OPHN1: variants seen among roughly 807,000 people sequenced by gnomAD.
OPHN1 encodes oligophrenin-1.
OPHN1 carries 11 observed loss-of-function variants against 60.7 expected under a neutral mutation model. The observed-to-expected ratio is 0.18, with a 90% CI of 0.11 to 0.30. OPHN1 has a LOEUF of 0.30. OPHN1 is among the 10% of genes least tolerant of loss of function. The pLI is 1.00. For synonymous variants in OPHN1, 226 were observed against 222.6 expected, an observed-to-expected ratio of 1.02 and a Z score of -0.14; for missense variants, 449 against 611.0, an observed-to-expected ratio of 0.73 and a Z score of 2.80.
intron 18 of OPHN1, among the ~76,000 whole-genome samples, chrX:68,105,270 C>T (rs1174607647): frequency 9.1e-6 from 1 of 110,016 alleles, no homozygotes; most frequent in Non-Finnish European, 1.9e-5. Context: ...GGATCTAGAA[C>T]CTGAAATACC....
chrX:68,243,718 A>G (rs560430502), intron 5 of OPHN1, among the ~76,000 whole-genome samples: 52 of 112,075 alleles, frequency 4.6e-4, no homozygotes, highest in African/African-American at 1.6e-3. Flanking sequence ...AATAAAAGCC[A>G]TGTAGGCTTA....
In OPHN1 at chrX:68,052,552, C is replaced by T. The variant is rs192628082; in HGVS notation, c.2363G>A (p.Arg788Gln). 32 of 1,205,036 alleles carry T rather than the reference C, an allele frequency of 2.7e-5. No homozygotes were observed. Among genetic ancestry groups the T allele is most frequent in the East Asian group, 1.2e-4 (4 of 33,662 alleles). The change falls in exon 23 of 25, where the codon CGG becomes CAG. Residue 788 changes from arginine to glutamine, a missense_variant. By Grantham distance (43) the Arg-to-Gln change is conservative. Transcript: ENST00000355520. ...SRTRFFETASRKTGSSQGRLP... is the reference protein window; with the variant it reads ...SRTRFFETASQKTGSSQGRLP... ...CTCCATATCTTACCTTCCTGTTTTC[C>T]GGGAAGCTGTTTCAAAAAACCTGGT...
rs536331602 is a variant in OPHN1, at chrX:68,317,527, GAAAGAAAGAAAA to G, written c.155-18443_155-18432del. 2.5e-3 allele frequency among the ~76,000 whole-genome samples: 111 copies of G among 44,517 alleles called. 3 individuals are homozygous for G. Among genetic ancestry groups the G allele is most frequent in the African/African-American group, 0.019 (103 of 5,422 alleles). 38.7% of individuals were successfully genotyped at this position (44,517 alleles called of 115,157 possible). ...GGAGGGAAAGAGAGAGAGAAAGAAA[GAAAGAAAGAAAA>G]AAAGAAAGAAAGAAAGAAAGAAAGA... On this transcript the variant is annotated intron_variant, in intron 2 of 24. Coordinates refer to ENST00000355520, the MANE Select transcript of OPHN1 (RefSeq NM_002547.3).
intron 15 of OPHN1, among the ~76,000 whole-genome samples, chrX:68,163,819 C>T (rs965983735): frequency 1.8e-5 from 2 of 110,518 alleles, no homozygotes; most frequent in Non-Finnish European, 3.8e-5. Context: ...TTTTGGCTTG[C>T]ATTTCTTTAA....
chrX:68,166,168 C>T (rs1349900597), intron 15 of OPHN1, among the ~76,000 whole-genome samples: 20 of 112,249 alleles, frequency 1.8e-4, no homozygotes, highest in African/African-American at 6.2e-4. Flanking sequence ...AGATATGAAA[C>T]CAAGGGTGTA....
intron 15 of OPHN1, among the ~76,000 whole-genome samples, chrX:68,174,806 G>A (rs761194402): frequency 9.6e-4 from 106 of 110,448 alleles, no homozygotes; most frequent in African/African-American, 3.5e-3. Flanking sequence ...AAAAATGGCC[G>A]GGCACAGTGG....
At chrX:68,101,096 G>A (rs373301305) in intron 18 of OPHN1, among the ~76,000 whole-genome samples, 108 of 111,767 alleles carry the variant, frequency 9.7e-4, no homozygotes, top group Non-Finnish European at 1.6e-3. Flanking sequence ...CTCCACTGGT[G>A]TTATATTATC....
chrX:68,070,574 T>C (rs879228606), intron 20 of OPHN1: 1 of 651,223 alleles, frequency 1.5e-6, no homozygotes, highest in African/African-American at 2.1e-5. Flanking sequence ...CCAGGAGCTC[T>C]AAACTGGCAC....
chrX:68,076,386 T>A (rs531142390), intron 19 of OPHN1, among the ~76,000 whole-genome samples: 3 of 108,931 alleles, frequency 2.8e-5, no homozygotes, highest in Non-Finnish European at 5.7e-5. Context: ...AATCATACAA[T>A]GTCATAGTGA....
intron 5 of OPHN1, among the ~76,000 whole-genome samples, chrX:68,257,792 C>T (rs2077871710): frequency 9.0e-6 from 1 of 110,936 alleles, no homozygotes; most frequent in East Asian, 2.9e-4. Context: ...AGATATAGAA[C>T]ATTTGACATT....
chrX:68,225,226 G>A (rs1180589678), intron 6 of OPHN1, among the ~76,000 whole-genome samples: 1 of 111,983 alleles, frequency 8.9e-6, no homozygotes, highest in African/African-American at 3.2e-5. Context: ...CAGCTGGGAA[G>A]CTCGAATTGG....
intron 2 of OPHN1, among the ~76,000 whole-genome samples, chrX:68,426,621 G>C (rs1439592007): frequency 1.2e-5 from 1 of 80,620 alleles, no homozygotes; most frequent in Admixed American, 1.5e-4. Context: ...CCAACACTTT[G>C]GGAGACTGAG....
chrX:68,190,995 C>G (rs1285919008), intron 15 of OPHN1, among the ~76,000 whole-genome samples: 1 of 111,796 alleles, frequency 8.9e-6, no homozygotes, highest in Non-Finnish European at 1.9e-5. Context: ...GCTGTAACAT[C>G]CTCAAATGTG....
intron 2 of OPHN1, among the ~76,000 whole-genome samples, chrX:68,344,902 C>T (rs914431799): frequency 9.0e-6 from 1 of 111,141 alleles, no homozygotes; most frequent in Non-Finnish European, 1.9e-5. Context: ...TTCATCTATT[C>T]GATTAATATT....
rs1178548038 is a variant in OPHN1, at chrX:68,205,969, A to AGTGTGT, written c.933+598_933+603dup. On this transcript the variant is annotated intron_variant, in intron 10 of 24. Coordinates refer to ENST00000355520, the MANE Select transcript of OPHN1 (RefSeq NM_002547.3). ...CCCCATGTGTGTATCTGTGTGTGTG[A>AGTGTGT]GTGTGTGTGAGTGTGTGTGTGTGTG... Among the ~76,000 whole-genome samples the AGTGTGT allele has an allele frequency of 6.3e-3, 302 of 48,066 alleles. 1 individual carries two copies. Among genetic ancestry groups the AGTGTGT allele is most frequent in the African/African-American group, 0.016 (293 of 18,867 alleles). The allele number at this position is 48,066 out of a possible 115,157, so 41.7% of individuals were successfully genotyped here. A position where few individuals can be genotyped will look rare whatever the true frequency, so the allele number is the denominator to read the frequency against.
Position 68,433,451 on chromosome X carries a change from C to G in OPHN1, c.-288G>C. ...AGGTTAGAGCTGGAGCTGGGAACAG[C>G]CTCTCTACAGGCTCCTCGCTCCGGA... On this transcript the variant is annotated 5_prime_UTR_variant, in exon 1 of 25. Coordinates refer to ENST00000355520, the MANE Select transcript of OPHN1 (RefSeq NM_002547.3). 1 of 274,475 alleles carries G rather than the reference C, an allele frequency of 3.6e-6. No individual in the cohort carries two copies. The highest frequency in any genetic ancestry group is 5.4e-5 in the East Asian group (1 of 18,691). 22.6% of individuals were successfully genotyped at this position (274,475 alleles called of 1,213,427 possible). A position where few individuals can be genotyped will look rare whatever the true frequency, so the allele number is the denominator to read the frequency against.
intron 15 of OPHN1, among the ~76,000 whole-genome samples, chrX:68,150,498 T>C (rs962516436): frequency 3.6e-5 from 4 of 111,662 alleles, no homozygotes; most frequent in Middle Eastern, 9.3e-3. Flanking sequence ...GCTTGTACAA[T>C]AATGAATAAG....
chrX:68,400,568 G>A (rs181163819), intron 2 of OPHN1, among the ~76,000 whole-genome samples: 27 of 110,338 alleles, frequency 2.4e-4, no homozygotes, highest in African/African-American at 8.2e-4. Context: ...AGGGGAAGCA[G>A]GCACGTCTTT....
At chrX:68,284,696 C>T (rs5965534) in intron 3 of OPHN1, among the ~76,000 whole-genome samples, 6,408 of 111,338 alleles carry the variant, frequency 0.058, 455 homozygotes, top group African/African-American at 0.2. Context: ...TAGCATTACA[C>T]CCCATTACCA....
Sources: gnomAD v4.1 joint callset for allele counts (sites outside exome capture counted in the v4.1 genomes callset) on GRCh38, gnomAD v4.1.1 for gene constraint, MANE v1.5 for transcripts, NCBI Gene and HGNC (gene_info 2026-07-23, HGNC 2026-07-21) for gene names.